SNRPC: variants seen among roughly 807,000 people sequenced by gnomAD.
SNRPC encodes the protein U1 small nuclear ribonucleoprotein C.
Under a neutral mutation model 20.0 loss-of-function variants are expected in SNRPC, and 5 were observed. The observed-to-expected ratio is 0.25, with a 90% CI of 0.13 to 0.53. The LOEUF (loss-of-function observed/expected upper bound fraction) is 0.53, where lower values mean the gene tolerates loss of function less well. Ranked by LOEUF, SNRPC falls within the 20% of genes least tolerant of loss-of-function variation. The pLI, the probability that SNRPC is intolerant of heterozygous loss-of-function variation, is 0.96. For missense variants in SNRPC, 112 were observed against 224.1 expected, an observed-to-expected ratio of 0.50 and a Z score of 3.19; for synonymous variants, 61 against 58.7, an observed-to-expected ratio of 1.04 and a Z score of -0.18.
intron 2 of SNRPC, among the ~76,000 whole-genome samples, chr6:34,759,033 A>AG (rs1285747457): frequency 1.3e-5 from 2 of 149,952 alleles, no homozygotes; most frequent in South Asian, 2.1e-4. Flanking sequence ...AAAAAAAAAA[A>AG]AAAAAAAAAA....
intron 3 of SNRPC, 30 bp downstream of exon 3, chr6:34,762,733 TA>T: frequency 8.7e-7 from 1 of 1,148,628 alleles, no homozygotes. Context: ...TCTGCTGTGG[TA>T]AAATGGTCCT....
intron 3 of SNRPC, among the ~76,000 whole-genome samples, chr6:34,763,804 C>T (rs1764574457): frequency 3.3e-5 from 5 of 151,158 alleles, no homozygotes; most frequent in Non-Finnish European, 7.4e-5. Context: ...GCAAGCTCCA[C>T]CTCCCAGGTT....
chr6:34,765,020 G>GAA (rs374752767), intron 3 of SNRPC, among the ~76,000 whole-genome samples: 1 of 148,482 alleles, frequency 6.7e-6, no homozygotes, highest in African/African-American at 2.5e-5. Context: ...GACTCTGTCT[G>GAA]AAAAAAAAAA....
intron 2 of SNRPC, among the ~76,000 whole-genome samples, chr6:34,758,952 G>A (rs1429803869): frequency 6.7e-6 from 1 of 148,940 alleles, no homozygotes; most frequent in African/African-American, 2.5e-5. Context: ...CCTCGGAGGC[G>A]GAGCTTGCAG....
At position 34,773,779 on chromosome 6, in the gene SNRPC, A is replaced by C. The variant is rs374389948; in HGVS notation, c.*209A>C. 1 of 417,928 alleles carries C rather than the reference A, an allele frequency of 2.4e-6. No homozygotes were observed. The highest frequency in any genetic ancestry group is 4.3e-6 in the Non-Finnish European group (1 of 233,242). The allele number at this position is 417,928 out of a possible 1,614,324, so 25.9% of individuals were successfully genotyped here. The stretch of plus-strand genomic sequence containing the variant: ...GGGAAATGTGAAAATAAAATTGTCA[A>C]CTCTTTCAGTTAAAAGTGTGTTCCC... On this transcript the variant is annotated 3_prime_UTR_variant, in exon 6 of 6. Transcript: ENST00000244520. The surrounding 1 kb of genome is among the most constrained non-coding windows in gnomAD (Gnocchi z 4.1).
At chr6:34,764,556 G>C (rs1764589604) in intron 3 of SNRPC, among the ~76,000 whole-genome samples, 1 of 152,104 alleles carries the variant, frequency 6.6e-6, no homozygotes, top group African/African-American at 2.4e-5. Context: ...CCAGCTACTT[G>C]GGAGACTGAG....
chr6:34,769,422 A>T (rs916113000), intron 4 of SNRPC, among the ~76,000 whole-genome samples: 11 of 151,206 alleles, frequency 7.3e-5, no homozygotes, highest in Non-Finnish European at 1.3e-4. Context: ...CGAACTCCTG[A>T]CCTCCTGTGA....
intron 1 of SNRPC, 140 bp downstream of exon 1, chr6:34,757,691 GAGAGCGCT>G (rs1369719750): frequency 7.3e-6 from 10 of 1,376,562 alleles, no homozygotes; most frequent in Non-Finnish European, 1.0e-5. Flanking sequence ...CAGGGAGATG[GAGAGCGCT>G]AGACACCCCA....
At chr6:34,768,886 T>A (rs1028233308) in intron 4 of SNRPC, among the ~76,000 whole-genome samples, 2 of 150,472 alleles carry the variant, frequency 1.3e-5, no homozygotes, top group Non-Finnish European at 2.9e-5. Flanking sequence ...GACTGAGTGC[T>A]GTACTGGGTC....
At chr6:34,765,007 C>T (rs983770659) in intron 3 of SNRPC, among the ~76,000 whole-genome samples, 2 of 151,904 alleles carry the variant, frequency 1.3e-5, no homozygotes, top group Non-Finnish European at 2.9e-5. Context: ...GGCAACAGAG[C>T]GAGACTCTGT....
chr6:34,766,022 T>G (rs1277968770), intron 3 of SNRPC, among the ~76,000 whole-genome samples: 4 of 150,594 alleles, frequency 2.7e-5, no homozygotes, highest in African/African-American at 9.8e-5. Context: ...ATTATAGGCA[T>G]GAGCCACCAC....
chr6:34,758,480 T>TG (rs1463757236), intron 2 of SNRPC, among the ~76,000 whole-genome samples: 6 of 152,096 alleles, frequency 3.9e-5, no homozygotes, highest in Non-Finnish European at 5.9e-5. Context: ...CACGCCCGGC[T>TG]AATTTTGAAT....
At chr6:34,765,018 C>T (rs1424451672) in intron 3 of SNRPC, among the ~76,000 whole-genome samples, 1 of 151,524 alleles carries the variant, frequency 6.6e-6, no homozygotes, top group Non-Finnish European at 1.5e-5. Context: ...GAGACTCTGT[C>T]TGAAAAAAAA....
chr6:34,760,111 CTT>C (rs201265600), intron 2 of SNRPC, among the ~76,000 whole-genome samples: 62 of 123,358 alleles, frequency 5.0e-4, no homozygotes, highest in African/African-American at 1.2e-3. Context: ...TGTATATTAT[CTT>C]TTTTTTTTTT....
intron 3 of SNRPC, among the ~76,000 whole-genome samples, chr6:34,764,783 A>G (rs1220309095): frequency 6.6e-6 from 1 of 152,160 alleles, no homozygotes; most frequent in African/African-American, 2.4e-5. Flanking sequence ...GCACTTTGGG[A>G]GGCCGAGGTG....
intron 2 of SNRPC, among the ~76,000 whole-genome samples, chr6:34,761,578 T>C (rs1182640568): frequency 7.2e-6 from 1 of 139,348 alleles, no homozygotes; most frequent in Non-Finnish European, 1.5e-5. Context: ...TGGAGTGCAA[T>C]GGCATGATCT....
At chr6:34,771,741 A>C (rs757949443) in intron 5 of SNRPC, among the ~76,000 whole-genome samples, 1 of 152,218 alleles carries the variant, frequency 6.6e-6, no homozygotes, top group Non-Finnish European at 1.5e-5. Context: ...CTTCCTAGGC[A>C]GAAGTATCAG....
chr6:34,757,810 GT>G (rs1467738019), intron 1 of SNRPC, 101 bp from the exon 2 acceptor site: 16 of 1,604,598 alleles, frequency 1.0e-5, no homozygotes, highest in Non-Finnish European at 1.4e-5. Context: ...CTGGCTTTTT[GT>G]TTTGTTTGTT....
chr6:34,771,652 A>T (rs998551651), intron 5 of SNRPC, among the ~76,000 whole-genome samples: 5 of 152,200 alleles, frequency 3.3e-5, no homozygotes, highest in African/African-American at 1.2e-4. Context: ...ACTACAACTG[A>T]CATAATCAGG....
Sources: gnomAD v4.1 joint callset for allele counts (sites outside exome capture counted in the v4.1 genomes callset) on GRCh38, gnomAD v4.1.1 for gene constraint, Gnocchi (gnomAD v3.1) non-coding constraint, MANE v1.5 for transcripts, NCBI Gene and HGNC (gene_info 2026-07-23, HGNC 2026-07-21) for gene names.